The following PGGT1B variants were observed in gnomAD, a reference collection of about 807,000 sequenced individuals.
PGGT1B encodes protein geranylgeranyltransferase type I subunit beta.
PGGT1B carries 30 observed loss-of-function variants against 46.1 expected under a neutral mutation model. The observed-to-expected ratio is 0.65, with a 90% CI of 0.49 to 0.88. The LOEUF (loss-of-function observed/expected upper bound fraction) is 0.88, where lower values mean the gene tolerates loss of function less well. PGGT1B is among the 40% of genes least tolerant of loss of function. PGGT1B has a pLI of 0.00. For missense variants in PGGT1B, 376 were observed against 455.9 expected (o/e 0.82, Z 1.60); for synonymous variants, 170 against 160.0 (o/e 1.06, Z -0.47).
intron 7 of PGGT1B, among the ~76,000 whole-genome samples, chr5:115,218,290 C>T (rs375095750): frequency 6.6e-6 from 1 of 150,900 alleles, no homozygotes; most frequent in South Asian, 2.1e-4. Flanking sequence ...TGGTTGCCTT[C>T]AGAAAGCTGT....
At position 115,210,236 on chromosome 5, in the gene PGGT1B, A is replaced by G. The variant is rs1388994143; in HGVS notation, c.*2166T>C. 6.6e-6 allele frequency: 1 copy of G among 152,108 alleles called. No homozygotes were observed. Among genetic ancestry groups the G allele is most frequent in the East Asian group, 1.9e-4 (1 of 5,206 alleles). 9.4% of individuals were successfully genotyped at this position (152,108 alleles called of 1,614,324 possible). Reference sequence around the variant, plus strand: ...ATTAGGGGGCGGGAAGGAGACAAGTATAGAGTAGGTAACAGAGCTTTTTGA... The same window carrying G: ...ATTAGGGGGCGGGAAGGAGACAAGTGTAGAGTAGGTAACAGAGCTTTTTGA... On this transcript the variant is annotated 3_prime_UTR_variant, in exon 9 of 9. Transcript: ENST00000419445.
intron 7 of PGGT1B, 120 bp from the exon 8 acceptor site, chr5:115,217,093 C>T: frequency 1.6e-6 from 1 of 624,902 alleles, no homozygotes; most frequent in Non-Finnish European, 2.9e-6. Flanking sequence ...CAGACCAAGT[C>T]TCTGGGGCCT....
At chr5:115,235,679 T>TC (rs1184891521) in intron 5 of PGGT1B, among the ~76,000 whole-genome samples, 1 of 152,112 alleles carries the variant, frequency 6.6e-6, no homozygotes, top group African/African-American at 2.4e-5. Flanking sequence ...TTTAATGGTA[T>TC]CTTCTTTCTG....
At chr5:115,253,277 T>C in intron 1 of PGGT1B, 22 bp from the exon 2 acceptor site, 2 of 1,564,482 alleles carry the variant, frequency 1.3e-6, no homozygotes, top group Non-Finnish European at 1.7e-6. Flanking sequence ...AAATGTAAAA[T>C]TCCATCTTAA....
chr5:115,240,960 C>G (rs949019407), intron 3 of PGGT1B, among the ~76,000 whole-genome samples: 1 of 152,146 alleles, frequency 6.6e-6, no homozygotes, highest in Admixed American at 6.5e-5. Flanking sequence ...AAAGCTCCTC[C>G]CTCTGTTAGG....
Position 115,246,842 on chromosome 5 carries a change from G to A in PGGT1B, c.260-5236C>T, listed in dbSNP as rs115392527. 3.7e-3 allele frequency among the ~76,000 whole-genome samples: 559 copies of A among 152,260 alleles called. 5 individuals carry two copies. Among genetic ancestry groups the A allele is most frequent in the African/African-American group, 0.012 (512 of 41,562 alleles). ...GAACTATAGAGTCAAACTTGTTTAT[G>A]CTGTTTAACATAAGTACTTTAGATA... On this transcript the variant is annotated intron_variant, in intron 2 of 8. Transcript: ENST00000419445.
At chr5:115,237,109 T>C (rs959581477) in intron 4 of PGGT1B, among the ~76,000 whole-genome samples, 1 of 152,222 alleles carries the variant, frequency 6.6e-6, no homozygotes, top group Non-Finnish European at 1.5e-5. Flanking sequence ...ATATATGTAC[T>C]GGATGAAGTA....
At chr5:115,252,471 AGTTT>A (rs960449408) in intron 2 of PGGT1B, among the ~76,000 whole-genome samples, 3 of 152,004 alleles carry the variant, frequency 2.0e-5, no homozygotes, top group Middle Eastern at 3.4e-3. Context: ...ATTTTCTAGG[AGTTT>A]GTTTGTTTGA....
At chr5:115,231,166 T>A (rs1490270778) in intron 5 of PGGT1B, 145 bp from the exon 6 acceptor site, 2 of 509,544 alleles carry the variant, frequency 3.9e-6, no homozygotes, top group Non-Finnish European at 7.0e-6. Flanking sequence ...TTTTTCCCCA[T>A]GGAGAAGTAG....
At chr5:115,231,395 T>C (rs1561476373) in intron 5 of PGGT1B, among the ~76,000 whole-genome samples, 1 of 152,032 alleles carries the variant, frequency 6.6e-6, no homozygotes, top group Non-Finnish European at 1.5e-5. Context: ...ATTATAAACA[T>C]GAAACAAGTC....
chr5:115,250,651 T>G (rs1748053195), intron 2 of PGGT1B, among the ~76,000 whole-genome samples: 1 of 152,160 alleles, frequency 6.6e-6, no homozygotes, highest in African/African-American at 2.4e-5. Context: ...AAAAAATGTT[T>G]AAACTTTCCC....
intron 6 of PGGT1B, among the ~76,000 whole-genome samples, chr5:115,226,890 A>C (rs78851480): frequency 0.021 from 3,233 of 152,102 alleles, 132 homozygotes; most frequent in African/African-American, 0.074. Context: ...GAACCCCTGG[A>C]AACAGGTATA....
At chr5:115,229,985 T>TA (rs1456402071) in intron 6 of PGGT1B, among the ~76,000 whole-genome samples, 1 of 152,042 alleles carries the variant, frequency 6.6e-6, no homozygotes, top group Non-Finnish European at 1.5e-5. Flanking sequence ...GAGGAGGAAA[T>TA]ACTTGATAGG....
At chr5:115,256,832 C>A (rs1748336030) in intron 1 of PGGT1B, among the ~76,000 whole-genome samples, 1 of 152,182 alleles carries the variant, frequency 6.6e-6, no homozygotes, top group Non-Finnish European at 1.5e-5. Context: ...AACTGCTGGG[C>A]AACCTGACTC....
At chr5:115,227,389 G>A (rs368276451) in intron 6 of PGGT1B, among the ~76,000 whole-genome samples, 29 of 152,280 alleles carry the variant, frequency 1.9e-4, no homozygotes, top group African/African-American at 6.0e-4. Context: ...TCATTACCCT[G>A]GTTATGGTTA....
intron 1 of PGGT1B, among the ~76,000 whole-genome samples, chr5:115,261,051 G>C (rs1245935297): frequency 6.6e-6 from 1 of 152,190 alleles, no homozygotes; most frequent in African/African-American, 2.4e-5. Context: ...TCTAAGCAGT[G>C]TATGTATACG....
intron 2 of PGGT1B, among the ~76,000 whole-genome samples, chr5:115,242,610 C>A (rs1029886600): frequency 6.6e-6 from 1 of 152,064 alleles, no homozygotes; most frequent in Admixed American, 6.5e-5. Context: ...AAATTAGGAA[C>A]CACTAAATTT....
At chr5:115,230,240 C>T (rs1240865358) in intron 6 of PGGT1B, among the ~76,000 whole-genome samples, 1 of 151,892 alleles carries the variant, frequency 6.6e-6, no homozygotes, top group African/African-American at 2.4e-5. Flanking sequence ...TCTGTTCTTT[C>T]TGCTACATTA....
In PGGT1B at chr5:115,212,060, G is replaced by T. The variant is rs534627724; in HGVS notation, c.*342C>A. ...TCAATGCTATATGAAGTGTAAACTTGAAAATTTGTGTCCATTTTATAATAA... is the reference window on the plus strand; with the variant it reads ...TCAATGCTATATGAAGTGTAAACTTTAAAATTTGTGTCCATTTTATAATAA... On this transcript the variant is annotated 3_prime_UTR_variant, in exon 9 of 9. Transcript: ENST00000419445. The T allele has an allele frequency of 7.9e-5, 16 of 202,742 alleles. No homozygotes were observed. The highest frequency in any genetic ancestry group is 6.9e-4 in the Admixed American group (13 of 18,798). 12.6% of individuals were successfully genotyped at this position (202,742 alleles called of 1,614,324 possible).
Sources: gnomAD v4.1 joint callset for allele counts (sites outside exome capture counted in the v4.1 genomes callset) on GRCh38, gnomAD v4.1.1 for gene constraint, MANE v1.5 for transcripts, NCBI Gene and HGNC (gene_info 2026-07-23, HGNC 2026-07-21) for gene names.